GRK4: variants seen among roughly 807,000 people sequenced by gnomAD.
GRK4 encodes the protein G protein-coupled receptor kinase 2-like.
Under a neutral mutation model 77.9 loss-of-function variants are expected in GRK4, and 73 were observed. The ratio of observed to expected loss-of-function variants is 0.94; its 90% confidence interval spans 0.78 to 1.14. The LOEUF is 1.14. Ranked by LOEUF, GRK4 falls within the 50% of genes most tolerant of loss-of-function variation. The probability of loss-of-function intolerance (pLI) is 0.00; values close to 1 mark genes in which losing one functional copy is unlikely to be tolerated. For missense variants in GRK4, 729 were observed against 700.2 expected (o/e 1.04, Z -0.46); for synonymous variants, 257 against 254.4 (o/e 1.01, Z -0.10).
chr4:2,967,293 T>G (rs1200086816), intron 1 of GRK4, among the ~76,000 whole-genome samples: 1 of 152,260 alleles, frequency 6.6e-6, no homozygotes, highest in Non-Finnish European at 1.5e-5. Flanking sequence ...TGTTAGAGCC[T>G]TTTCCTTTCA....
chr4:3,028,977 G>T (rs1219262628), intron 11 of GRK4, among the ~76,000 whole-genome samples: 1 of 152,096 alleles, frequency 6.6e-6, no homozygotes, highest in Non-Finnish European at 1.5e-5. Context: ...TCACCATGTT[G>T]TCCAGGCTGG....
chr4:3,010,814 C>T (rs889337932), intron 7 of GRK4, among the ~76,000 whole-genome samples: 1 of 152,156 alleles, frequency 6.6e-6, no homozygotes, highest in Admixed American at 6.5e-5. Context: ...CTAGCATTGC[C>T]TTGAAGTTAA....
intron 4 of GRK4, among the ~76,000 whole-genome samples, chr4:3,002,213 T>C (rs1730015470): frequency 6.6e-6 from 1 of 152,060 alleles, no homozygotes; most frequent in South Asian, 2.1e-4. Flanking sequence ...AACTGGCAAC[T>C]AGGATGTAAC....
Position 3,040,589 on chromosome 4 carries a change from C to T in GRK4, c.1701C>T (p.Val567=), listed in dbSNP as rs924321092. 2 of 1,610,716 alleles carry T rather than the reference C, an allele frequency of 1.2e-6. No homozygotes were observed. Among genetic ancestry groups the T allele is most frequent in the Non-Finnish European group, 1.7e-6 (2 of 1,178,720 alleles). Residue 567 remains valine, a synonymous_variant, in exon 16 of 16, where the codon GTC becomes GTT. Transcript: ENST00000398052. ...TGTTGTAGGGCTGCCTGACCATGGT[C>T]CCCAGTGAGAAGGAAGTGGAACCCA... The part of the protein sequence containing the change: ...LFRRGGCLTM[V]PSEKEVEPKQ...
At chr4:3,031,312 A>C (rs1363921712) in intron 12 of GRK4, among the ~76,000 whole-genome samples, 1 of 152,074 alleles carries the variant, frequency 6.6e-6, no homozygotes, top group African/African-American at 2.4e-5. Context: ...GTGGGGAGCA[A>C]AGGTGGGAGG....
intron 5 of GRK4, among the ~76,000 whole-genome samples, chr4:3,007,275 C>T (rs1216318529): frequency 6.6e-6 from 1 of 152,188 alleles, no homozygotes; most frequent in African/African-American, 2.4e-5. Flanking sequence ...CTCACAGTAA[C>T]TGTATGAAAT....
intron 5 of GRK4, among the ~76,000 whole-genome samples, chr4:3,005,404 G>T (rs1381743736): frequency 6.6e-6 from 1 of 152,204 alleles, no homozygotes; most frequent in Non-Finnish European, 1.5e-5. Flanking sequence ...CGGCGAGGCC[G>T]TTGCAGCTCA....
At chr4:3,022,662 A>G (rs528404483) in intron 10 of GRK4, among the ~76,000 whole-genome samples, 2 of 152,338 alleles carry the variant, frequency 1.3e-5, no homozygotes, top group Admixed American at 6.5e-5. Context: ...AGAGATGGTC[A>G]TAATTTTCAA....
chr4:3,022,016 A>G (rs906697370), intron 9 of GRK4, among the ~76,000 whole-genome samples: 1 of 152,306 alleles, frequency 6.6e-6, no homozygotes, highest in Non-Finnish European at 1.5e-5. Context: ...AGCTGGGACT[A>G]CAGGTACACA....
intron 1 of GRK4, among the ~76,000 whole-genome samples, chr4:2,980,187 C>T (rs2109513641): frequency 6.6e-6 from 1 of 152,290 alleles, no homozygotes; most frequent in African/African-American, 2.4e-5. Context: ...CAGATGTCTT[C>T]TCAATAAATA....
At chr4:3,040,510 A>C in intron 15 of GRK4, 62 bp from the exon 16 acceptor site, 2 of 1,405,828 alleles carry the variant, frequency 1.4e-6, no homozygotes, top group Non-Finnish European at 2.0e-6. Flanking sequence ...GGTTGTCTGC[A>C]CTTAAGGAAA....
At chr4:2,964,576 A>G (rs1241658865) in intron 1 of GRK4, among the ~76,000 whole-genome samples, 1 of 152,194 alleles carries the variant, frequency 6.6e-6, no homozygotes, top group South Asian at 2.1e-4. Flanking sequence ...TAATGATTGT[A>G]GGGCAATGTT....
chr4:2,967,660 A>C (rs538485857), intron 1 of GRK4, among the ~76,000 whole-genome samples: 1 of 152,122 alleles, frequency 6.6e-6, no homozygotes, highest in Non-Finnish European at 1.5e-5. Flanking sequence ...CAGCCTCCCA[A>C]AGTGCTGGGA....
rs892559757 is a variant in GRK4 at position 2,963,799 on chromosome 4, C to A, written c.-272C>A. Reference sequence around the variant, plus strand: ...GCCAAGAAGAACCGGGGCGATAGCGCGGCAGCGGTGACAGCTGGGACCCGC... The same window carrying A: ...GCCAAGAAGAACCGGGGCGATAGCGAGGCAGCGGTGACAGCTGGGACCCGC... On this transcript the variant is annotated 5_prime_UTR_variant, in exon 1 of 16. Coordinates refer to ENST00000398052, the MANE Select transcript of GRK4 (RefSeq NM_182982.3). The A allele has an allele frequency of 5.7e-6, 3 of 528,356 alleles. No homozygotes were observed. Among genetic ancestry groups the A allele is most frequent in the Non-Finnish European group, 9.9e-6 (3 of 301,926 alleles). 32.7% of individuals were successfully genotyped at this position (528,356 alleles called of 1,614,324 possible).
chr4:3,026,737 A>C (rs1339979853), intron 10 of GRK4, among the ~76,000 whole-genome samples: 2 of 152,248 alleles, frequency 1.3e-5, no homozygotes, highest in African/African-American at 4.8e-5. Flanking sequence ...GTGGGCGCGC[A>C]GCAAGGGCGG....
chr4:2,995,298 G>A (rs1361813325), intron 4 of GRK4, among the ~76,000 whole-genome samples: 1 of 152,140 alleles, frequency 6.6e-6, no homozygotes. Context: ...TTGGCTCACA[G>A]TTTTAGAGGC....
At chr4:2,976,935 G>A (rs577043864) in intron 1 of GRK4, among the ~76,000 whole-genome samples, 95 of 152,236 alleles carry the variant, frequency 6.2e-4, no homozygotes, top group African/African-American at 2.1e-3. Flanking sequence ...CACCGCACCC[G>A]GCCGAATTTT....
At chr4:3,028,912 C>T (rs922150198) in intron 11 of GRK4, among the ~76,000 whole-genome samples, 2 of 152,136 alleles carry the variant, frequency 1.3e-5, no homozygotes, top group Admixed American at 6.5e-5. Context: ...TCTGGAACTA[C>T]AGGCGCCTGC....
At chr4:2,997,463 C>T (rs1003212623) in intron 4 of GRK4, among the ~76,000 whole-genome samples, 1 of 152,120 alleles carries the variant, frequency 6.6e-6, no homozygotes, top group Non-Finnish European at 1.5e-5. Flanking sequence ...TTTTAATGGT[C>T]ACAATAACAA....
Sources: gnomAD v4.1 joint callset for allele counts (sites outside exome capture counted in the v4.1 genomes callset) on GRCh38, gnomAD v4.1.1 for gene constraint, MANE v1.5 for transcripts, NCBI Gene and HGNC (gene_info 2026-07-23, HGNC 2026-07-21) for gene names.